STK39: variants seen among roughly 807,000 people sequenced by gnomAD.
The protein encoded by STK39 is STE20/SPS1-related proline-alanine-rich protein kinase.
In STK39, 20 loss-of-function variants were observed where a neutral mutation model predicts 77.8. The ratio of observed to expected loss-of-function variants is 0.26; its 90% CI spans 0.18 to 0.37. The LOEUF is 0.37. Among genes scored for constraint, STK39 ranks in the 10% least tolerant of loss-of-function variants. The pLI is 1.00. For missense variants in STK39, 479 were observed against 656.5 expected (o/e 0.73, Z 2.95); for synonymous variants, 246 against 234.1 (o/e 1.05, Z -0.47).
chr2:168,178,028 T>A (rs1688995643), intron 2 of STK39, among the ~76,000 whole-genome samples: 1 of 152,200 alleles, frequency 6.6e-6, no homozygotes, highest in Non-Finnish European at 1.5e-5. Flanking sequence ...TAGGAATCCA[T>A]TCTGTTTTCC....
chr2:167,985,280 TAAAC>T (rs1302222221), intron 16 of STK39, among the ~76,000 whole-genome samples: 2 of 152,212 alleles, frequency 1.3e-5, no homozygotes, highest in Non-Finnish European at 2.9e-5. Flanking sequence ...GCAAAGAAGA[TAAAC>T]AAACAACACT....
chr2:168,028,100 A>G (rs1278726474), intron 14 of STK39, among the ~76,000 whole-genome samples: 1 of 152,044 alleles, frequency 6.6e-6, no homozygotes, highest in Non-Finnish European at 1.5e-5. Flanking sequence ...TCCTCTCCCT[A>G]ACCTTACCCA....
At chr2:168,243,178 C>CTAGGA (rs1240506742) in intron 1 of STK39, among the ~76,000 whole-genome samples, 9 of 152,178 alleles carry the variant, frequency 5.9e-5, no homozygotes, top group Non-Finnish European at 1.3e-4. Context: ...CAAACTGCCT[C>CTAGGA]TAGGATATCT....
intron 14 of STK39, among the ~76,000 whole-genome samples, chr2:168,033,077 A>G (rs1017223662): frequency 3.9e-5 from 6 of 152,222 alleles, no homozygotes; most frequent in Admixed American, 3.3e-4. Context: ...GTCTGCCAAC[A>G]TAAGTACATT....
At chr2:168,010,522 T>C (rs1332320621) in intron 16 of STK39, among the ~76,000 whole-genome samples, 3 of 152,194 alleles carry the variant, frequency 2.0e-5, no homozygotes, top group East Asian at 1.9e-4. Context: ...TCTCACAAGA[T>C]TGTAAAGGAA....
intron 10 of STK39, among the ~76,000 whole-genome samples, chr2:168,129,090 A>G (rs1687615940): frequency 6.6e-6 from 1 of 152,216 alleles, no homozygotes; most frequent in African/African-American, 2.4e-5. Flanking sequence ...AGGTAAACTA[A>G]AAAAGGGACC....
chr2:168,225,452 A>C (rs1273077533), intron 1 of STK39, among the ~76,000 whole-genome samples: 1 of 152,204 alleles, frequency 6.6e-6, no homozygotes, highest in African/African-American at 2.4e-5. Flanking sequence ...ACCATTACAT[A>C]AACAGGATGA....
chr2:168,085,865 GTGA>G (rs1340444418), intron 10 of STK39, among the ~76,000 whole-genome samples: 1 of 152,166 alleles, frequency 6.6e-6, no homozygotes, highest in Non-Finnish European at 1.5e-5. Context: ...GTCAGAAAAG[GTGA>G]TGCAACATCT....
intron 10 of STK39, among the ~76,000 whole-genome samples, chr2:168,120,446 GTTC>G (rs1376151229): frequency 6.6e-6 from 1 of 152,132 alleles, no homozygotes; most frequent in Non-Finnish European, 1.5e-5. Flanking sequence ...ACGTTTGTGC[GTTC>G]TTCACAGAAA....
chr2:167,988,984 G>GTGCT (rs1210604072), intron 16 of STK39, among the ~76,000 whole-genome samples: 4 of 152,174 alleles, frequency 2.6e-5, no homozygotes, highest in Non-Finnish European at 4.4e-5. Context: ...CCAGACCAGA[G>GTGCT]TGCTCACCCC....
intron 14 of STK39, among the ~76,000 whole-genome samples, chr2:168,050,711 A>G (rs959850593): frequency 6.6e-5 from 10 of 152,106 alleles, no homozygotes; most frequent in African/African-American, 2.2e-4. Flanking sequence ...CCCTATAGAC[A>G]CCTTGATTTT....
At chr2:168,223,044 T>C (rs954109487) in intron 1 of STK39, among the ~76,000 whole-genome samples, 1 of 152,138 alleles carries the variant, frequency 6.6e-6, no homozygotes, top group African/African-American at 2.4e-5. Flanking sequence ...GCAAGGCCAA[T>C]ATGATGGTCC....
chr2:168,121,697 C>T (rs543984041), intron 10 of STK39, among the ~76,000 whole-genome samples: 10 of 152,322 alleles, frequency 6.6e-5, no homozygotes, highest in Non-Finnish European at 1.3e-4. Flanking sequence ...GATTTCACTA[C>T]ATACTTCTAA....
At chr2:168,085,196 T>G (rs1402926919) in intron 10 of STK39, among the ~76,000 whole-genome samples, 1 of 152,206 alleles carries the variant, frequency 6.6e-6, no homozygotes, top group Non-Finnish European at 1.5e-5. Context: ...GGAAGCAGTC[T>G]GAGAAGGCTC....
At chr2:168,143,159 C>A (rs1015878276) in intron 5 of STK39, among the ~76,000 whole-genome samples, 1 of 152,182 alleles carries the variant, frequency 6.6e-6, no homozygotes, top group Non-Finnish European at 1.5e-5. Context: ...CCAGGAATAA[C>A]TGGAGGATAT....
At chr2:168,209,125 AT>A (rs1283973096) in intron 1 of STK39, among the ~76,000 whole-genome samples, 1 of 152,136 alleles carries the variant, frequency 6.6e-6, no homozygotes, top group African/African-American at 2.4e-5. Flanking sequence ...TAACCCTAGA[AT>A]CTTAGATTCT....
intron 17 of STK39, among the ~76,000 whole-genome samples, chr2:167,962,548 G>A (rs1016295966): frequency 6.6e-6 from 1 of 152,150 alleles, no homozygotes; most frequent in African/African-American, 2.4e-5. Context: ...CATTTACTGT[G>A]AACACCACAC....
chr2:167,973,263 C>T (rs559575670), intron 16 of STK39, among the ~76,000 whole-genome samples: 1 of 152,226 alleles, frequency 6.6e-6, no homozygotes, highest in African/African-American at 2.4e-5. Flanking sequence ...CTAAATTAGG[C>T]AGGTCAGATA....
chr2:167,962,615 C>T (rs960579587), intron 17 of STK39, among the ~76,000 whole-genome samples: 10 of 152,206 alleles, frequency 6.6e-5, no homozygotes, highest in African/African-American at 2.2e-4. Context: ...CCAAAACTCC[C>T]CTGTGCCTGA....
Sources: allele counts gnomAD v4.1 joint callset (sites outside exome capture counted in the v4.1 genomes callset), GRCh38; gene constraint gnomAD v4.1.1; transcripts MANE v1.5; gene names NCBI Gene and HGNC (gene_info 2026-07-23, HGNC 2026-07-21).